Variants in MAMLD1 observed in about 807,000 individuals in gnomAD.
MAMLD1 encodes the protein mastermind-like domain-containing protein 1.
MAMLD1 carries 14 observed loss-of-function variants against 45.0 expected under a neutral mutation model. The ratio of observed to expected loss-of-function variants is 0.31; its 90% CI spans 0.21 to 0.49. MAMLD1 has a LOEUF of 0.49. MAMLD1 is among the 20% of genes least tolerant of loss of function. The pLI, the probability that MAMLD1 is intolerant of heterozygous loss-of-function variation, is 0.99. For missense variants in MAMLD1, 543 were observed against 603.6 expected (o/e 0.90, Z 1.05); for synonymous variants, 254 against 247.8 (o/e 1.02, Z -0.24).
At chrX:150,397,893 A>G (rs73638250) in intron 1 of MAMLD1, among the ~76,000 whole-genome samples, 27,133 of 110,285 alleles carry the variant, frequency 0.25, 2,636 homozygotes, top group African/African-American at 0.34. Flanking sequence ...ACTATTCAAC[A>G]TCCCCATTAA....
intron 5 of MAMLD1, among the ~76,000 whole-genome samples, chrX:150,499,509 G>A (rs1490456204): frequency 1.8e-5 from 2 of 111,863 alleles, no homozygotes; most frequent in African/African-American, 3.3e-5. Context: ...TTGAGCTACA[G>A]AATAGCACAG....
chrX:150,398,457 A>G (rs782329698), intron 1 of MAMLD1, among the ~76,000 whole-genome samples: 9 of 111,217 alleles, frequency 8.1e-5, no homozygotes, highest in Admixed American at 3.8e-4. Context: ...CCATACGAAC[A>G]TTAGTTGTGG....
At chrX:150,497,283 CTT>C (rs782269885) in intron 5 of MAMLD1, among the ~76,000 whole-genome samples, 5 of 85,223 alleles carry the variant, frequency 5.9e-5, no homozygotes, top group Admixed American at 1.4e-4. Context: ...TCTTTTTTTT[CTT>C]TTTTTTTTTT....
chrX:150,465,763 A>T (rs966709150), intron 3 of MAMLD1, among the ~76,000 whole-genome samples: 1 of 112,318 alleles, frequency 8.9e-6, no homozygotes, highest in Non-Finnish European at 1.9e-5. Flanking sequence ...TCACAGGGAG[A>T]GGCCTGAAAG....
intron 5 of MAMLD1, among the ~76,000 whole-genome samples, chrX:150,486,320 A>G (rs1334640003): frequency 9.0e-6 from 1 of 111,707 alleles, no homozygotes; most frequent in Non-Finnish European, 1.9e-5. Context: ...CAGAAGAGCC[A>G]GGAAGCTTCT....
intron 1 of MAMLD1, among the ~76,000 whole-genome samples, chrX:150,409,054 C>T (rs1454759298): frequency 7.2e-5 from 8 of 111,718 alleles, no homozygotes; most frequent in Non-Finnish European, 1.3e-4. Context: ...GGCTGCTATA[C>T]AGGTGCTCCA....
intron 5 of MAMLD1, among the ~76,000 whole-genome samples, chrX:150,497,433 A>G (rs2037420211): frequency 9.2e-6 from 1 of 108,441 alleles, no homozygotes; most frequent in African/African-American, 3.4e-5. Flanking sequence ...ACAGGCACGC[A>G]CCACCATGCC....
At chrX:150,488,938 G>A (rs2037083655) in intron 5 of MAMLD1, among the ~76,000 whole-genome samples, 1 of 113,228 alleles carries the variant, frequency 8.8e-6, no homozygotes. Flanking sequence ...GAGACCATCA[G>A]AGGACTCAAC....
Position 150,376,824 on chromosome X carries a change from A to C in MAMLD1, c.-64+13294A>C, listed in dbSNP as rs782461914. On this transcript the variant is annotated intron_variant, in intron 1 of 7. Coordinates refer to ENST00000370401, the MANE Select transcript of MAMLD1 (RefSeq NM_005491.5). ...TTGTTATTTGGATTTATTTTATTTC[A>C]AACAGATGGGCTGTTTTAGGTTTGA... Among the ~76,000 whole-genome samples the C allele has an allele frequency of 2.8e-5, 3 of 108,863 alleles. No individual in the cohort carries two copies. In the East Asian group the frequency reaches 8.5e-4, roughly 31 times the overall value. 94.5% of individuals were successfully genotyped at this position (108,863 alleles called of 115,157 possible).
chrX:150,431,421 A>T (rs782171246), intron 1 of MAMLD1, among the ~76,000 whole-genome samples: 22 of 104,903 alleles, frequency 2.1e-4, no homozygotes, highest in East Asian at 8.6e-4. Context: ...TCTACTTTTT[A>T]AAAAAAAATT....
chrX:150,369,064 T>G (rs1557400888), intron 1 of MAMLD1, among the ~76,000 whole-genome samples: 1 of 112,615 alleles, frequency 8.9e-6, no homozygotes, highest in Non-Finnish European at 1.9e-5. Flanking sequence ...TGGTTCCATA[T>G]GAACTTTAAA....
intron 1 of MAMLD1, among the ~76,000 whole-genome samples, chrX:150,399,734 G>A (rs1557402369): frequency 8.9e-6 from 1 of 111,810 alleles, no homozygotes; most frequent in African/African-American, 3.3e-5. Context: ...GCCTCCAGAA[G>A]GAATCAGCCC....
intron 5 of MAMLD1, among the ~76,000 whole-genome samples, chrX:150,481,032 G>A (rs2036736449): frequency 1.8e-5 from 2 of 112,706 alleles, no homozygotes; most frequent in South Asian, 3.7e-4. Context: ...CCCATGTCGG[G>A]GTGGCCCATG....
chrX:150,460,611 G>A (rs2036005533), intron 2 of MAMLD1, among the ~76,000 whole-genome samples: 1 of 111,619 alleles, frequency 9.0e-6, no homozygotes, highest in Admixed American at 9.5e-5. Flanking sequence ...GACTGGCAGG[G>A]CCTGGCAGTA....
At chrX:150,367,904 G>T (rs1557400820) in intron 1 of MAMLD1, among the ~76,000 whole-genome samples, 1 of 111,639 alleles carries the variant, frequency 9.0e-6, no homozygotes, top group African/African-American at 3.3e-5. Context: ...CTTTTTTATG[G>T]CTGCGTAGTA....
chrX:150,401,413 A>G (rs1408051695), intron 1 of MAMLD1, among the ~76,000 whole-genome samples: 7 of 102,593 alleles, frequency 6.8e-5, no homozygotes, highest in Admixed American at 1.1e-4. Context: ...GCTCAAGGAA[A>G]TAAAAGAGGA....
At chrX:150,384,421 A>C (rs1244835906) in intron 1 of MAMLD1, among the ~76,000 whole-genome samples, 1 of 111,743 alleles carries the variant, frequency 8.9e-6, no homozygotes, top group African/African-American at 3.3e-5. Flanking sequence ...TCTTTGGAGA[A>C]GTGTTTATGC....
At chrX:150,498,558 T>A (rs2037456287) in intron 5 of MAMLD1, among the ~76,000 whole-genome samples, 1 of 112,420 alleles carries the variant, frequency 8.9e-6, no homozygotes, top group Admixed American at 9.4e-5. Context: ...ATGTAACTAT[T>A]TAAATTAATA....
intron 1 of MAMLD1, among the ~76,000 whole-genome samples, chrX:150,435,006 G>A (rs1374651684): frequency 9.0e-6 from 1 of 111,374 alleles, no homozygotes; most frequent in African/African-American, 3.3e-5. Context: ...ACTGCCTGTG[G>A]AGAGTTGAAG....
Sources: allele counts gnomAD v4.1 joint callset (sites outside exome capture counted in the v4.1 genomes callset), GRCh38; gene constraint gnomAD v4.1.1; transcripts MANE v1.5; gene names NCBI Gene and HGNC (gene_info 2026-07-23, HGNC 2026-07-21).